The following MITF variants were observed in gnomAD, a reference collection of about 807,000 sequenced individuals.
The protein encoded by MITF is melanocyte inducing transcription factor, also known as microphthalmia-associated transcription factor.
A neutral mutation model predicts 60.5 loss-of-function variants in MITF; 17 were observed. The ratio of observed to expected loss-of-function variants is 0.28; its 90% CI spans 0.19 to 0.42. MITF has a LOEUF of 0.42. Among genes scored for constraint, MITF ranks in the 10% least tolerant of loss-of-function variants. The probability of loss-of-function intolerance (pLI) is 1.00; values close to 1 mark genes in which losing one functional copy is unlikely to be tolerated. For synonymous variants in MITF, 260 were observed against 248.5 expected (o/e 1.05, Z -0.43); for missense variants, 622 against 683.5 (o/e 0.91, Z 1.00).
intron 1 of MITF, among the ~76,000 whole-genome samples, chr3:69,749,350 A>G (rs1241995398): frequency 2.6e-5 from 4 of 152,266 alleles, no homozygotes; most frequent in East Asian, 1.9e-4. Flanking sequence ...TAGCATTTGA[A>G]TTTTTTCAGC....
At chr3:69,924,853 A>G (rs1183153062) in intron 2 of MITF, among the ~76,000 whole-genome samples, 1 of 152,182 alleles carries the variant, frequency 6.6e-6, no homozygotes, top group Non-Finnish European at 1.5e-5. Flanking sequence ...TGTGGCCTGC[A>G]AGTGTCCCAG....
intron 2 of MITF, among the ~76,000 whole-genome samples, chr3:69,883,947 G>A (rs1365034055): frequency 6.6e-6 from 1 of 152,098 alleles, no homozygotes; most frequent in Non-Finnish European, 1.5e-5. Flanking sequence ...TTGAATCAAT[G>A]TTGGTGTCTG....
chr3:69,892,694 A>T (rs1559701673), intron 2 of MITF, among the ~76,000 whole-genome samples: 1 of 152,138 alleles, frequency 6.6e-6, no homozygotes, highest in Non-Finnish European at 1.5e-5. Context: ...ACAAAATTGG[A>T]TTTAGATAAA....
At chr3:69,870,259 TACACACAC>T (rs146363082) in intron 1 of MITF, among the ~76,000 whole-genome samples, 5 of 145,280 alleles carry the variant, frequency 3.4e-5, no homozygotes, top group African/African-American at 5.1e-5. Flanking sequence ...GGTAAATGGA[TACACACAC>T]ACACACACAC....
chr3:69,848,527 A>T (rs1050204555), intron 1 of MITF, among the ~76,000 whole-genome samples: 5 of 152,224 alleles, frequency 3.3e-5, no homozygotes, highest in African/African-American at 4.8e-5. Flanking sequence ...CCACAGGAAG[A>T]ATTTAAAATA....
At chr3:69,889,578 A>G (rs1270893286) in intron 2 of MITF, among the ~76,000 whole-genome samples, 1 of 151,984 alleles carries the variant, frequency 6.6e-6, no homozygotes, top group East Asian at 1.9e-4. Context: ...AATCAGTATA[A>G]AAATTATTAA....
At chr3:69,950,627 G>GTATATATATATA (rs143648888) in intron 6 of MITF, among the ~76,000 whole-genome samples, 15 of 138,044 alleles carry the variant, frequency 1.1e-4, no homozygotes, top group African/African-American at 4.0e-4. Flanking sequence ...TATATGGTGT[G>GTATATATATATA]TATATATATA....
At chr3:69,936,489 CGTA>C in intron 2 of MITF, 1 of 879,978 alleles carries the variant, frequency 1.1e-6, no homozygotes, top group Non-Finnish European at 1.6e-6. Context: ...AGACCAAACT[CGTA>C]GGGCTTCCAA....
chr3:69,854,785 C>T (rs1270582412), intron 1 of MITF, among the ~76,000 whole-genome samples: 3 of 152,192 alleles, frequency 2.0e-5, no homozygotes, highest in Non-Finnish European at 4.4e-5. Flanking sequence ...GCCAGTAGCA[C>T]TTGTTTCTCT....
chr3:69,761,538 G>A (rs1424050069), intron 1 of MITF, among the ~76,000 whole-genome samples: 2 of 152,180 alleles, frequency 1.3e-5, no homozygotes, highest in East Asian at 3.9e-4. Flanking sequence ...GGAGTGATCA[G>A]GAGTGACAAC....
intron 1 of MITF, among the ~76,000 whole-genome samples, chr3:69,744,152 AAGAC>A (rs1703634714): frequency 6.6e-6 from 1 of 152,242 alleles, no homozygotes; most frequent in Non-Finnish European, 1.5e-5. Context: ...TGAAATGAGA[AAGAC>A]AAAGACTGTT....
At chr3:69,786,670 GAGA>G (rs1575710279) in intron 1 of MITF, among the ~76,000 whole-genome samples, 1 of 152,126 alleles carries the variant, frequency 6.6e-6, no homozygotes, top group East Asian at 1.9e-4. Context: ...TGTGGAAAAT[GAGA>G]CGTGTTTGCT....
chr3:69,792,862 A>G (rs1032882930), intron 1 of MITF, among the ~76,000 whole-genome samples: 6 of 152,114 alleles, frequency 3.9e-5, no homozygotes, highest in Admixed American at 3.3e-4. Flanking sequence ...ATAGCATTGC[A>G]TATTTTAATT....
At chr3:69,783,977 C>G (rs2062608047) in intron 1 of MITF, among the ~76,000 whole-genome samples, 2 of 152,198 alleles carry the variant, frequency 1.3e-5, no homozygotes, top group Admixed American at 1.3e-4. Flanking sequence ...TGTTCCCTTC[C>G]TCTTTCCTGT....
chr3:69,796,781 T>C (rs2062838878), intron 1 of MITF, among the ~76,000 whole-genome samples: 1 of 152,190 alleles, frequency 6.6e-6, no homozygotes, highest in African/African-American at 2.4e-5. Context: ...GCAAACACCG[T>C]CTTTCTAAGA....
chr3:69,905,357 A>T (rs2065075694), intron 2 of MITF, among the ~76,000 whole-genome samples: 1 of 151,744 alleles, frequency 6.6e-6, no homozygotes, highest in Admixed American at 6.6e-5. Context: ...ATATAGGCAG[A>T]CCACAGTTTT....
At chr3:69,777,449 G>A (rs143877469) in intron 1 of MITF, among the ~76,000 whole-genome samples, 1 of 151,958 alleles carries the variant, frequency 6.6e-6, no homozygotes, top group African/African-American at 2.4e-5. Context: ...TTCCTTTTTT[G>A]TTTCAAGTGA....
rs547971909 is a variant in MITF at position 69,802,084 on chromosome 3, C to A, written c.104+62383C>A. 1.8e-3 allele frequency among the ~76,000 whole-genome samples: 279 copies of A among 152,180 alleles called. 1 individual carries two copies. The highest frequency in any genetic ancestry group is 6.4e-3 in the African/African-American group (265 of 41,526). On this transcript the variant is annotated intron_variant, in intron 1 of 9. Transcript: ENST00000352241. ...CACATTTTCATATGAGAAAACAAGG[C>A]TTAAGTAACCAAGAGATTTGCCTAG...
intron 1 of MITF, among the ~76,000 whole-genome samples, chr3:69,801,660 T>C (rs2062921505): frequency 6.6e-6 from 1 of 152,184 alleles, no homozygotes; most frequent in Non-Finnish European, 1.5e-5. Context: ...TTAGATTCCA[T>C]GCAGTAGGAA....
Sources: gnomAD v4.1 joint callset for allele counts (sites outside exome capture counted in the v4.1 genomes callset) on GRCh38, gnomAD v4.1.1 for gene constraint, MANE v1.5 for transcripts, NCBI Gene and HGNC (gene_info 2026-07-23, HGNC 2026-07-21) for gene names.